Variants in TENM1 observed in about 807,000 individuals in gnomAD.
The protein encoded by TENM1 is teneurin-1.
Under a neutral mutation model 174.8 loss-of-function variants are expected in TENM1, and 35 were observed. That is an observed-to-expected ratio of 0.20 (90% CI 0.15 to 0.27). The LOEUF is 0.27. Among genes scored for constraint, TENM1 ranks in the 10% least tolerant of loss-of-function variants. The pLI is 1.00. For missense variants in TENM1, 1,633 were observed against 2,130.1 expected (o/e 0.77, Z 4.59); for synonymous variants, 781 against 798.7 (o/e 0.98, Z 0.37).
intron 7 of TENM1, 28 bp from the exon 11 acceptor site, chrX:124,652,152 G>A: frequency 8.3e-7 from 1 of 1,199,564 alleles, no homozygotes; most frequent in Non-Finnish European, 1.1e-6. Context: ...ATGAAGATGA[G>A]CCACTACTTT....
chrX:124,855,065 T>C (rs1170129371), intron 3 of TENM1, among the ~76,000 whole-genome samples: 2 of 111,792 alleles, frequency 1.8e-5, no homozygotes, highest in Non-Finnish European at 3.8e-5. Context: ...TTATTACCTA[T>C]ATAATTTTCA....
intron 6 of TENM1, among the ~76,000 whole-genome samples, chrX:124,670,915 G>GCT (rs949530545): frequency 4.5e-5 from 5 of 111,083 alleles, no homozygotes; most frequent in African/African-American, 1.6e-4. Flanking sequence ...GATATTGCTG[G>GCT]CTATATATAT....
intron 3 of TENM1, among the ~76,000 whole-genome samples, chrX:124,819,801 T>A (rs1405604075): frequency 3.0e-5 from 3 of 100,229 alleles, no homozygotes; most frequent in Non-Finnish European, 6.0e-5. Flanking sequence ...TTTCCTTTCC[T>A]TTTTTTTTTT....
At chrX:124,698,202 C>T (rs1308463384) in intron 5 of TENM1, among the ~76,000 whole-genome samples, 1 of 110,732 alleles carries the variant, frequency 9.0e-6, no homozygotes, top group Non-Finnish European at 1.9e-5. Context: ...ATTTTGGTGT[C>T]CTCAACGGTA....
At chrX:125,013,766 A>G in the TENM1 span, among the ~76,000 whole-genome samples, 30 of 111,972 alleles carry the variant, frequency 2.7e-4, no homozygotes, top group African/African-American at 9.4e-4. Context: ...CCAACTTGAA[A>G]AGAGTCAATA....
the TENM1 span, among the ~76,000 whole-genome samples, chrX:125,022,630 C>A: frequency 9.0e-6 from 1 of 111,163 alleles, no homozygotes; most frequent in East Asian, 2.8e-4. Flanking sequence ...ACTTTAAGAG[C>A]ATTCTTATGA....
At chrX:124,606,048 G>A (rs149892956) in intron 11 of TENM1, among the ~76,000 whole-genome samples, 1 of 111,051 alleles carries the variant, frequency 9.0e-6, no homozygotes, top group African/African-American at 3.3e-5. Flanking sequence ...TGGTACCTTT[G>A]CAAAAAGACC....
intron 15 of TENM1, among the ~76,000 whole-genome samples, chrX:124,531,341 AG>A (rs1251372537): frequency 9.1e-6 from 1 of 110,229 alleles, no homozygotes; most frequent in Non-Finnish European, 1.9e-5. Flanking sequence ...TTTGAGAGAA[AG>A]TAAAACACCT....
chrX:125,136,839 G>T, the TENM1 span, among the ~76,000 whole-genome samples: 1 of 112,002 alleles, frequency 8.9e-6, no homozygotes, highest in Non-Finnish European at 1.9e-5. Flanking sequence ...GCATACAGGA[G>T]AATGTGCATC....
chrX:124,583,395 C>T (rs1342273275), intron 11 of TENM1, among the ~76,000 whole-genome samples: 2 of 111,889 alleles, frequency 1.8e-5, no homozygotes, highest in Non-Finnish European at 3.8e-5. Context: ...CACTGTTCTG[C>T]AGCCACTGCT....
At chrX:125,085,856 T>A in the TENM1 span, among the ~76,000 whole-genome samples, 1 of 111,384 alleles carries the variant, frequency 9.0e-6, no homozygotes, top group African/African-American at 3.2e-5. Flanking sequence ...TGCTGTCAAT[T>A]GAAATCCAGC....
chrX:124,708,651 A>C (rs1392616815), intron 4 of TENM1, among the ~76,000 whole-genome samples: 1 of 111,539 alleles, frequency 9.0e-6, no homozygotes, highest in Non-Finnish European at 1.9e-5. Flanking sequence ...ATTCACTGGG[A>C]AAAGTGTTTA....
chrX:124,663,904 G>T lies in TENM1; in HGVS notation c.1168+7779C>A, dbSNP rs73543971. On this transcript the variant is annotated intron_variant, in intron 6 of 31. Transcript: ENST00000422452. ...GAACCCTTTCCATAAATCTGTTTTA[G>T]AAGTCAAGTCTCCAGTATGCTTTAG... Among the ~76,000 whole-genome samples the T allele has an allele frequency of 8.9e-3, 985 of 111,208 alleles. 10 individuals carry two copies. The highest frequency in any genetic ancestry group is 0.031 in the African/African-American group (945 of 30,631).
chrX:124,485,618 C>T lies in TENM1; in HGVS notation c.3716+1591G>A, dbSNP rs918515126. On this transcript the variant is annotated intron_variant, in intron 21 of 31. Transcript: ENST00000422452. Reference sequence around the variant, plus strand: ...ATAGGCCATTTTTCCAAGAGAAATGCTATTTTGCTATTTGCACAAAAGCAC... The same window carrying T: ...ATAGGCCATTTTTCCAAGAGAAATGTTATTTTGCTATTTGCACAAAAGCAC... 1.2e-4 allele frequency among the ~76,000 whole-genome samples: 13 copies of T among 111,293 alleles called. No homozygotes were observed. The South Asian group carries it at 5.0e-3, about 42-fold the overall frequency.
chrX:124,890,699 A>G (rs934367002), intron 3 of TENM1, among the ~76,000 whole-genome samples: 15 of 110,892 alleles, frequency 1.4e-4, no homozygotes, highest in African/African-American at 4.9e-4. Context: ...AAGGATGTGG[A>G]GAAATGGGAA....
intron 3 of TENM1, among the ~76,000 whole-genome samples, chrX:124,752,113 GT>G (rs1359620507): frequency 9.0e-6 from 1 of 111,119 alleles, no homozygotes. Context: ...CACCAACAGT[GT>G]AAAAGTGTTC....
the TENM1 span, among the ~76,000 whole-genome samples, chrX:125,007,565 C>A: frequency 9.0e-6 from 1 of 110,704 alleles, no homozygotes; most frequent in Non-Finnish European, 1.9e-5. Context: ...GAAGATCAAC[C>A]CCAAGACACG....
At chrX:124,626,796 A>G (rs770491563) in intron 11 of TENM1, among the ~76,000 whole-genome samples, 26 of 111,744 alleles carry the variant, frequency 2.3e-4, no homozygotes, top group African/African-American at 7.8e-4. Context: ...GGGAGATGCA[A>G]TAACCCAAAA....
intron 3 of TENM1, among the ~76,000 whole-genome samples, chrX:124,889,813 C>A (rs1439586773): frequency 9.0e-6 from 1 of 111,558 alleles, no homozygotes; most frequent in Admixed American, 9.6e-5. Context: ...TACAATCAGA[C>A]TATTACTGAC....
Sources: gnomAD v4.1 joint callset for allele counts (sites outside exome capture counted in the v4.1 genomes callset) on GRCh38, gnomAD v4.1.1 for gene constraint, MANE v1.5 for transcripts, NCBI Gene and HGNC (gene_info 2026-07-23, HGNC 2026-07-21) for gene names.